The following ADAM10 variants were observed in gnomAD, a reference collection of about 807,000 sequenced individuals.
ADAM10 encodes disintegrin and metalloproteinase domain-containing protein 10.
Under a neutral mutation model 90.1 loss-of-function variants are expected in ADAM10, and 17 were observed. That is an observed-to-expected ratio of 0.19 (90% CI 0.13 to 0.28). The LOEUF is 0.28. Among genes scored for constraint, ADAM10 ranks in the 10% least tolerant of loss-of-function variants. The pLI, the probability that ADAM10 is intolerant of heterozygous loss-of-function variation, is 1.00. For synonymous variants in ADAM10, 310 were observed against 298.6 expected, an observed-to-expected ratio of 1.04 and a Z score of -0.40; for missense variants, 610 against 914.3, an observed-to-expected ratio of 0.67 and a Z score of 4.29.
At chr15:58,640,142 A>G (rs1896376605) in intron 8 of ADAM10, among the ~76,000 whole-genome samples, 1 of 152,212 alleles carries the variant, frequency 6.6e-6, no homozygotes, top group South Asian at 2.1e-4. Flanking sequence ...GTCCCATCCC[A>G]ACATTATCAA....
chr15:58,637,125 G>C (rs1896276542), intron 8 of ADAM10, among the ~76,000 whole-genome samples: 1 of 152,166 alleles, frequency 6.6e-6, no homozygotes, highest in Non-Finnish European at 1.5e-5. Flanking sequence ...GGGTTATCCC[G>C]AGAACCCTGT....
intron 1 of ADAM10, among the ~76,000 whole-genome samples, chr15:58,741,507 A>G (rs1567020906): frequency 6.6e-6 from 1 of 152,192 alleles, no homozygotes; most frequent in Non-Finnish European, 1.5e-5. Flanking sequence ...AAAATCCCAG[A>G]CGCTGACACC....
In ADAM10 at chr15:58,590,551, A is replaced by G. The variant is rs1299402950; in HGVS notation, c.*6996T>C. The G allele has an allele frequency of 6.6e-6, 1 of 152,262 alleles. No homozygotes were observed. Among genetic ancestry groups the G allele is most frequent in the African/African-American group, 2.4e-5 (1 of 41,462 alleles). 9.4% of individuals were successfully genotyped at this position (152,262 alleles called of 1,614,324 possible). Reference sequence around the variant, plus strand: ...TTCAAGGAGGAGGAAAGGAGGAGAAAGAGGAAAATGGTTAACAGGTCACTT... The same window carrying G: ...TTCAAGGAGGAGGAAAGGAGGAGAAGGAGGAAAATGGTTAACAGGTCACTT... On this transcript the variant is annotated 3_prime_UTR_variant, in exon 16 of 16. Transcript: ENST00000260408.
chr15:58,709,902 G>T (rs192751611), intron 2 of ADAM10, among the ~76,000 whole-genome samples: 2 of 152,100 alleles, frequency 1.3e-5, no homozygotes, highest in Admixed American at 1.3e-4. Flanking sequence ...GGAGGAGGGA[G>T]AAAGTTGAGT....
chr15:58,680,931 C>T lies in ADAM10; in HGVS notation c.325+1265G>A, dbSNP rs559101736. Among the ~76,000 whole-genome samples the T allele has an allele frequency of 3.3e-5, 5 of 152,250 alleles. No homozygotes were observed. The East Asian group carries it at 5.8e-4, about 18-fold the overall frequency. ...CCTCCTGGGCTCAGCAATCCTCCCA[C>T]GTCAGCCTCCCATCTAACTGAAACT... On this transcript the variant is annotated intron_variant, in intron 3 of 15. Transcript: ENST00000260408.
chr15:58,747,709 C>G (rs1899836586), intron 1 of ADAM10: 2 of 152,084 alleles, frequency 1.3e-5, no homozygotes, highest in Admixed American at 1.3e-4. Flanking sequence ...AGCCTTTTAA[C>G]CAATGCTTAA....
intron 5 of ADAM10, among the ~76,000 whole-genome samples, chr15:58,661,942 A>G (rs1451699615): frequency 6.6e-6 from 1 of 152,178 alleles, no homozygotes; most frequent in East Asian, 1.9e-4. Flanking sequence ...TAGAATTTCC[A>G]TTCTCTCCTT....
chr15:58,640,250 A>T (rs1896379796), intron 8 of ADAM10, among the ~76,000 whole-genome samples: 1 of 152,170 alleles, frequency 6.6e-6, no homozygotes, highest in Non-Finnish European at 1.5e-5. Context: ...TCCTGCCTAC[A>T]TCTCTTTCAT....
intron 14 of ADAM10, among the ~76,000 whole-genome samples, chr15:58,603,984 T>G (rs1295520501): frequency 6.6e-6 from 1 of 152,134 alleles, no homozygotes; most frequent in Non-Finnish European, 1.5e-5. Context: ...AAAAAATGTT[T>G]TGCAAAATTC....
chr15:58,601,866 T>C (rs1465644074), intron 14 of ADAM10, among the ~76,000 whole-genome samples: 1 of 152,222 alleles, frequency 6.6e-6, no homozygotes, highest in African/African-American at 2.4e-5. Flanking sequence ...TGGTGTTTCT[T>C]TGTGATCAAA....
At chr15:58,604,905 C>T (rs1174917334) in intron 14 of ADAM10, among the ~76,000 whole-genome samples, 1 of 152,020 alleles carries the variant, frequency 6.6e-6, no homozygotes, top group Admixed American at 6.6e-5. Context: ...CCTGCGAATT[C>T]ATTTATTTAT....
At chr15:58,614,447 C>A (rs1895544759) in intron 11 of ADAM10, among the ~76,000 whole-genome samples, 1 of 151,996 alleles carries the variant, frequency 6.6e-6, no homozygotes, top group Non-Finnish European at 1.5e-5. Context: ...TATCAAGTCA[C>A]ATATAAGGGA....
At chr15:58,743,207 G>A (rs771142994) in intron 1 of ADAM10, among the ~76,000 whole-genome samples, 21 of 151,974 alleles carry the variant, frequency 1.4e-4, no homozygotes, top group Non-Finnish European at 2.4e-4. Context: ...GGCGGGGGGC[G>A]GGGGTTCAGA....
chr15:58,742,395 A>G (rs1303635609), intron 1 of ADAM10, among the ~76,000 whole-genome samples: 2 of 152,238 alleles, frequency 1.3e-5, no homozygotes, highest in Non-Finnish European at 2.9e-5. Flanking sequence ...TCTCACCATC[A>G]CAAAGTTGAA....
chr15:58,655,719 A>ATATATATATATATATATATAG (rs1896806100), intron 5 of ADAM10, among the ~76,000 whole-genome samples: 3 of 46,922 alleles, frequency 6.4e-5, no homozygotes, highest in South Asian at 2.0e-3. Context: ...TAGTATATAT[A>ATATATATATATATATATATAG]TATATATATA....
intron 9 of ADAM10, chr15:58,629,301 G>C (rs1464512997): frequency 6.6e-6 from 1 of 152,166 alleles, no homozygotes; most frequent in East Asian, 1.9e-4. Flanking sequence ...TGACATAACT[G>C]CTTAGTCTGA....
chr15:58,713,995 G>A (rs551913589), intron 2 of ADAM10, among the ~76,000 whole-genome samples: 82 of 151,902 alleles, frequency 5.4e-4, no homozygotes, highest in Non-Finnish European at 9.9e-4. Context: ...TAGTAGAGAC[G>A]GGGTTACACC....
At chr15:58,626,409 CCT>C (rs1450304683) in intron 10 of ADAM10, among the ~76,000 whole-genome samples, 2 of 152,066 alleles carry the variant, frequency 1.3e-5, no homozygotes, top group African/African-American at 2.4e-5. Context: ...ATGTTTAACC[CCT>C]CTTTCAGTGC....
intron 2 of ADAM10, among the ~76,000 whole-genome samples, chr15:58,714,820 G>A (rs1898602436): frequency 6.6e-6 from 1 of 152,064 alleles, no homozygotes; most frequent in African/African-American, 2.4e-5. Context: ...GAGTTACAGT[G>A]TACCAAGACT....
Sources: allele counts gnomAD v4.1 joint callset (sites outside exome capture counted in the v4.1 genomes callset), GRCh38; gene constraint gnomAD v4.1.1; transcripts MANE v1.5; gene names NCBI Gene and HGNC (gene_info 2026-07-23, HGNC 2026-07-21).